Variants in MAP2K4 observed in about 807,000 individuals in gnomAD.
MAP2K4 encodes the protein mitogen-activated protein kinase kinase 4.
In MAP2K4, 4 loss-of-function variants were observed where a neutral mutation model predicts 48.5. The observed-to-expected ratio is 0.08, with a 90% CI of 0.04 to 0.19. The LOEUF is 0.19. MAP2K4 is among the 10% of genes least tolerant of loss of function. The probability of loss-of-function intolerance (pLI) is 1.00; values close to 1 mark genes in which losing one functional copy is unlikely to be tolerated. For synonymous variants in MAP2K4, 166 were observed against 173.1 expected (o/e 0.96, Z 0.32); for missense variants, 258 against 493.3 (o/e 0.52, Z 4.52).
chr17:12,091,148 T>C (rs1287281237), intron 3 of MAP2K4, among the ~76,000 whole-genome samples: 1 of 152,152 alleles, frequency 6.6e-6, no homozygotes, highest in Non-Finnish European at 1.5e-5. Context: ...AAAGAGTTAT[T>C]TATACTTTAA....
chr17:12,120,359 C>CT (rs771002355), intron 7 of MAP2K4, among the ~76,000 whole-genome samples: 17 of 152,044 alleles, frequency 1.1e-4, no homozygotes, highest in Non-Finnish European at 2.2e-4. Flanking sequence ...AGTCAGGAGG[C>CT]TGAGGCATGA....
chr17:12,137,329 A>G (rs137868297), intron 9 of MAP2K4, among the ~76,000 whole-genome samples: 1 of 152,360 alleles, frequency 6.6e-6, no homozygotes, highest in East Asian at 1.9e-4. Flanking sequence ...TTTAAGTTGA[A>G]ATAGATTTAT....
Position 12,141,333 on chromosome 17 carries a change from C to G in MAP2K4, c.*73C>G. 1 of 1,074,354 alleles carries G rather than the reference C, an allele frequency of 9.3e-7. No homozygotes were observed. The highest frequency in any genetic ancestry group is 1.4e-6 in the Non-Finnish European group (1 of 690,604). The allele number at this position is 1,074,354 out of a possible 1,614,324, so 66.6% of individuals were successfully genotyped here. A position where few individuals can be genotyped will look rare whatever the true frequency, so the allele number is the denominator to read the frequency against. The stretch of plus-strand genomic sequence containing the variant: ...GACGTAAAGAATTTTCATCCCGTAT[C>G]ACAGTGTTTTTATTGCTCGCCCAGA... On this transcript the variant is annotated 3_prime_UTR_variant, in exon 11 of 11. Transcript: ENST00000353533.
At chr17:12,023,338 C>T (rs1969151975) in intron 1 of MAP2K4, among the ~76,000 whole-genome samples, 1 of 152,010 alleles carries the variant, frequency 6.6e-6, no homozygotes, top group Non-Finnish European at 1.5e-5. Context: ...CTTATAAGAA[C>T]CCAAAAAGAA....
At chr17:12,129,462 G>A (rs1217359841) in intron 9 of MAP2K4, among the ~76,000 whole-genome samples, 175 bp downstream of exon 9, 1 of 152,200 alleles carries the variant, frequency 6.6e-6, no homozygotes, top group Non-Finnish European at 1.5e-5. Flanking sequence ...AGCTAGCTGG[G>A]AGAGGCATCA....
In MAP2K4 at chr17:12,020,996, T is replaced by C; in HGVS notation, c.110T>C (p.Met37Thr). The change falls in exon 1 of 11, where the codon ATG (methionine) becomes ACG (threonine). Residue 37 changes from methionine (M) to threonine (T), a missense_variant. Met to Thr is a moderately conservative substitution (Grantham distance 81). Coordinates refer to ENST00000353533, the MANE Select transcript of MAP2K4 (RefSeq NM_003010.4). ...CCAGGCCACCCGGCCGTCAGCAGCATGCAGGGTAAGGAACGCGGCCGCGCC... is the reference window on the plus strand; with the variant it reads ...CCAGGCCACCCGGCCGTCAGCAGCACGCAGGGTAAGGAACGCGGCCGCGCC... ...PAPGHPAVSS[M>T]QGKRKALKLN... 1.7e-6 allele frequency: 2 copies of C among 1,208,770 alleles called. No homozygotes were observed. Among genetic ancestry groups the C allele is most frequent in the Non-Finnish European group, 2.1e-6 (2 of 972,896 alleles). 74.9% of individuals were successfully genotyped at this position (1,208,770 alleles called of 1,614,324 possible).
At chr17:12,078,773 T>C (rs950638340) in intron 2 of MAP2K4, among the ~76,000 whole-genome samples, 1 of 152,212 alleles carries the variant, frequency 6.6e-6, no homozygotes, top group Non-Finnish European at 1.5e-5. Flanking sequence ...AGAAATTGAT[T>C]GACTCCAGAG....
At chr17:12,039,963 A>C (rs746284778) in intron 1 of MAP2K4, among the ~76,000 whole-genome samples, 1 of 152,210 alleles carries the variant, frequency 6.6e-6, no homozygotes, top group Non-Finnish European at 1.5e-5. Context: ...GTAGTTACAG[A>C]AACTTGATCA....
chr17:12,103,398 G>T (rs551769606), intron 4 of MAP2K4, among the ~76,000 whole-genome samples: 1 of 151,620 alleles, frequency 6.6e-6, no homozygotes, highest in African/African-American at 2.4e-5. Flanking sequence ...TTTTTGACGG[G>T]GAGCGGTGTT....
chr17:12,100,178 C>T (rs1971894122), intron 4 of MAP2K4, among the ~76,000 whole-genome samples: 1 of 152,130 alleles, frequency 6.6e-6, no homozygotes, highest in East Asian at 1.9e-4. Flanking sequence ...AATGAATATG[C>T]CCATCACTTA....
chr17:12,115,184 T>G (rs1341688125), intron 7 of MAP2K4, among the ~76,000 whole-genome samples: 1 of 152,216 alleles, frequency 6.6e-6, no homozygotes, highest in African/African-American at 2.4e-5. Context: ...AATGTAGAGT[T>G]TACACATAAA....
intron 1 of MAP2K4, among the ~76,000 whole-genome samples, chr17:12,043,763 G>T (rs1567630145): frequency 1.3e-5 from 2 of 152,090 alleles, no homozygotes; most frequent in Non-Finnish European, 2.9e-5. Context: ...ACCTTTCCGT[G>T]CACACTATCC....
intron 2 of MAP2K4, among the ~76,000 whole-genome samples, chr17:12,059,608 G>C (rs1195891348): frequency 6.6e-5 from 10 of 152,152 alleles, no homozygotes; most frequent in Non-Finnish European, 1.5e-4. Context: ...AAGAGTTTTG[G>C]AACCACACGT....
intron 4 of MAP2K4, among the ~76,000 whole-genome samples, chr17:12,097,698 A>G (rs565342293): frequency 6.6e-6 from 1 of 152,340 alleles, no homozygotes; most frequent in Non-Finnish European, 1.5e-5. Context: ...GGTATTATCT[A>G]TCCCCTTTTT....
At chr17:12,033,830 C>T (rs564005020) in intron 1 of MAP2K4, among the ~76,000 whole-genome samples, 3 of 152,164 alleles carry the variant, frequency 2.0e-5, no homozygotes, top group Admixed American at 6.5e-5. Flanking sequence ...TTGTTCATTT[C>T]GGAGACAGAG....
chr17:12,085,463 G>C (rs559993199), intron 3 of MAP2K4, among the ~76,000 whole-genome samples: 1 of 151,860 alleles, frequency 6.6e-6, no homozygotes, highest in South Asian at 2.1e-4. Context: ...TTGAGGGTAG[G>C]TGCATAGGCC....
chr17:12,050,280 A>G (rs1267121155), intron 1 of MAP2K4, among the ~76,000 whole-genome samples: 1 of 152,186 alleles, frequency 6.6e-6, no homozygotes, highest in East Asian at 1.9e-4. Flanking sequence ...TTTAATAAAT[A>G]TTTGTTGAAC....
chr17:12,052,416 T>A (rs1022697040), intron 1 of MAP2K4, among the ~76,000 whole-genome samples: 2 of 152,192 alleles, frequency 1.3e-5, no homozygotes, highest in African/African-American at 4.8e-5. Context: ...AATGCAATGC[T>A]GAAAAAAATC....
chr17:12,129,023 T>G, intron 8 of MAP2K4, 116 bp from the exon 9 acceptor site: 1 of 884,692 alleles, frequency 1.1e-6, no homozygotes, highest in Non-Finnish European at 1.7e-6. Flanking sequence ...AACCTGTGTT[T>G]AATTCAAGGC....
Sources: allele counts gnomAD v4.1 joint callset (sites outside exome capture counted in the v4.1 genomes callset), GRCh38; gene constraint gnomAD v4.1.1; transcripts MANE v1.5; gene names NCBI Gene and HGNC (gene_info 2026-07-23, HGNC 2026-07-21).